Variants in PRIMPOL observed in about 807,000 individuals in gnomAD.
The protein encoded by PRIMPOL is DNA-directed primase/polymerase protein.
PRIMPOL carries 54 observed loss-of-function variants against 63.6 expected under a neutral mutation model. The ratio of observed to expected loss-of-function variants is 0.85; its 90% confidence interval spans 0.68 to 1.07. PRIMPOL has a LOEUF of 1.07. Among genes scored for constraint, PRIMPOL ranks in the 50% least tolerant of loss-of-function variants. The pLI is 0.00. For missense variants in PRIMPOL, 610 were observed against 648.3 expected, an observed-to-expected ratio of 0.94 and a Z score of 0.64; for synonymous variants, 197 against 220.2, an observed-to-expected ratio of 0.89 and a Z score of 0.93.
At position 184,678,657 on chromosome 4, in the gene PRIMPOL, A is replaced by T. The variant is rs1288804868; in HGVS notation, c.1007+263A>T. ...ATTCTCCTGCCTCAGTCTCCCAAGT[A>T]GCTGGGACTACAGGCGCCTGCCACC... On this transcript the variant is annotated intron_variant, in intron 8 of 13. Transcript: ENST00000314970. 3.3e-5 allele frequency among the ~76,000 whole-genome samples: 5 copies of T among 151,022 alleles called. No individual in the cohort carries two copies. In the East Asian group the frequency reaches 9.8e-4, roughly 29 times the overall value.
At chr4:184,670,692 T>C (rs1422880151) in intron 6 of PRIMPOL, among the ~76,000 whole-genome samples, 1 of 151,872 alleles carries the variant, frequency 6.6e-6, no homozygotes, top group Non-Finnish European at 1.5e-5. Flanking sequence ...GGATTACAGG[T>C]GCCCAGCACC....
chr4:184,673,929 C>T (rs932724208), intron 7 of PRIMPOL, among the ~76,000 whole-genome samples: 26 of 152,164 alleles, frequency 1.7e-4, no homozygotes, highest in African/African-American at 5.8e-4. Flanking sequence ...AGTGTGAGGT[C>T]GAGCAGCCAC....
intron 2 of PRIMPOL, among the ~76,000 whole-genome samples, chr4:184,653,199 A>G (rs978197415): frequency 2.6e-5 from 4 of 151,800 alleles, no homozygotes; most frequent in African/African-American, 9.7e-5. Flanking sequence ...CCCCCCAGAA[A>G]CTGGTAAATA....
intron 7 of PRIMPOL, among the ~76,000 whole-genome samples, chr4:184,676,261 C>T (rs1287990331): frequency 6.6e-6 from 1 of 151,548 alleles, no homozygotes; most frequent in Non-Finnish European, 1.5e-5. Flanking sequence ...TGCATACGAC[C>T]ACACTTTTAA....
chr4:184,672,220 A>G lies in PRIMPOL; in HGVS notation c.604A>G (p.Ser202Gly), dbSNP rs1456245065. Residue 202 changes from serine to glycine, a missense_variant, in exon 7 of 14, where the codon AGT (serine) becomes GGT (glycine). Ser to Gly is a moderately conservative substitution (Grantham distance 56). Coordinates refer to ENST00000314970, the MANE Select transcript of PRIMPOL (RefSeq NM_152683.4). The stretch of plus-strand genomic sequence containing the variant: ...GCAGCCTGCTCTTGACTTGCTTGGC[A>G]GTGAAGATGATGATAGCGCTCCAGA... ...ILQPALDLLG[S>G]EDDDSAPETT... 2 of 1,613,292 alleles carry G rather than the reference A, an allele frequency of 1.2e-6. No homozygotes were observed. The highest frequency in any genetic ancestry group is 8.5e-7 in the Non-Finnish European group (1 of 1,179,904).
chr4:184,653,984 G>A (rs1745477094), intron 2 of PRIMPOL, among the ~76,000 whole-genome samples: 1 of 152,178 alleles, frequency 6.6e-6, no homozygotes, highest in Admixed American at 6.5e-5. Context: ...TTTTCAAGCT[G>A]TGCAGATATG....
Position 184,666,012 on chromosome 4 carries a change from G to T in PRIMPOL, c.504G>T (p.Arg168=). Residue 168 remains arginine, a synonymous_variant, in exon 6 of 14, where the codon CGG becomes CGT. Coordinates refer to ENST00000314970, the MANE Select transcript of PRIMPOL (RefSeq NM_152683.4). ...LDSSTDEKFS[R]HLIFQLHDVA... is the part of the protein sequence containing the mutation. ...CTAGCACTGATGAAAAATTCAGCCG[G>T]CATTTAATATTTCAGCTCCATGATG... 1 of 1,609,562 alleles carries T rather than the reference G, an allele frequency of 6.2e-7. No homozygotes were observed. Among genetic ancestry groups the T allele is most frequent in the Non-Finnish European group, 8.5e-7 (1 of 1,176,616 alleles).
At chr4:184,667,582 T>C (rs1399611677) in intron 6 of PRIMPOL, among the ~76,000 whole-genome samples, 2 of 152,164 alleles carry the variant, frequency 1.3e-5, no homozygotes, top group African/African-American at 2.4e-5. Flanking sequence ...AGTGCTGGGA[T>C]TACAGGCGTG....
At chr4:184,678,493 T>C in intron 8 of PRIMPOL, 99 bp downstream of exon 8, 1 of 904,160 alleles carries the variant, frequency 1.1e-6, no homozygotes. Context: ...CTAAATTCAT[T>C]CTACCTTAAG....
At chr4:184,693,387 T>TAACA (rs942456298) in intron 13 of PRIMPOL, among the ~76,000 whole-genome samples, 2 of 152,256 alleles carry the variant, frequency 1.3e-5, no homozygotes, top group Admixed American at 6.5e-5. Context: ...GCTTATCTAG[T>TAACA]AACACCTCAA....
intron 7 of PRIMPOL, among the ~76,000 whole-genome samples, chr4:184,674,565 C>T (rs1289131752): frequency 1.3e-5 from 2 of 152,132 alleles, no homozygotes; most frequent in Non-Finnish European, 2.9e-5. Context: ...CTTAGGGGAA[C>T]CAACTTCTCT....
chr4:184,689,376 T>TA (rs1183366281), intron 11 of PRIMPOL, among the ~76,000 whole-genome samples: 1 of 151,514 alleles, frequency 6.6e-6, no homozygotes, highest in Non-Finnish European at 1.5e-5. Flanking sequence ...TATGCACTCT[T>TA]AAACCCTGGA....
chr4:184,675,688 A>T (rs559063163), intron 7 of PRIMPOL, among the ~76,000 whole-genome samples: 2 of 152,240 alleles, frequency 1.3e-5, no homozygotes, highest in Admixed American at 1.3e-4. Flanking sequence ...ATGGTGGTGC[A>T]TGCCTGTAAT....
At chr4:184,658,937 ATT>A (rs1409896415) in intron 3 of PRIMPOL, among the ~76,000 whole-genome samples, 1 of 151,280 alleles carries the variant, frequency 6.6e-6, no homozygotes, top group African/African-American at 2.4e-5. Flanking sequence ...TCCTACATAC[ATT>A]TTTTTATGTA....
intron 7 of PRIMPOL, among the ~76,000 whole-genome samples, chr4:184,673,715 G>A (rs1008415985): frequency 3.9e-5 from 6 of 152,168 alleles, no homozygotes; most frequent in South Asian, 4.1e-4. Context: ...GAGCCACTGC[G>A]CCCGCCAGAC....
At chr4:184,688,701 A>C (rs959930164) in intron 11 of PRIMPOL, among the ~76,000 whole-genome samples, 1 of 152,234 alleles carries the variant, frequency 6.6e-6, no homozygotes, top group Admixed American at 6.5e-5. Flanking sequence ...ATTTCCGGAA[A>C]GCATGCCTCA....
intron 6 of PRIMPOL, among the ~76,000 whole-genome samples, chr4:184,671,308 G>A (rs1463346559): frequency 3.9e-5 from 6 of 152,126 alleles, no homozygotes; most frequent in Non-Finnish European, 8.8e-5. Context: ...GGGTTTGCAG[G>A]GCGTGTCGTG....
chr4:184,687,260 G>A (rs1259335547), intron 11 of PRIMPOL, among the ~76,000 whole-genome samples: 7 of 152,090 alleles, frequency 4.6e-5, no homozygotes, highest in East Asian at 1.9e-4. Context: ...TAGTAGAGAC[G>A]GAGTTTCACT....
rs572126440 is a variant in PRIMPOL, at chr4:184,661,629, C to A, written c.279-145C>A. ...GCTGAGGCAGGAGAATCGCTTGAAC[C>A]CAGGAGGAGGAGGTTGCAGTGAACC... On this transcript the variant is annotated intron_variant, in intron 4 of 13. Transcript: ENST00000314970. 2.1e-5 allele frequency: 9 copies of A among 438,650 alleles called. No homozygotes were observed. In the East Asian group the frequency reaches 3.6e-4, roughly 18 times the overall value. The allele number at this position is 438,650 out of a possible 1,614,324, so 27.2% of individuals were successfully genotyped here.
Sources: allele counts gnomAD v4.1 joint callset (sites outside exome capture counted in the v4.1 genomes callset), GRCh38; gene constraint gnomAD v4.1.1; transcripts MANE v1.5; gene names NCBI Gene and HGNC (gene_info 2026-07-23, HGNC 2026-07-21).